Variants in KDELR2 observed in about 807,000 individuals in gnomAD.
KDELR2 encodes KDEL endoplasmic reticulum protein retention receptor 2.
KDELR2 carries 15 observed loss-of-function variants against 23.9 expected under a neutral mutation model. The ratio of observed to expected loss-of-function variants is 0.63; its 90% confidence interval spans 0.42 to 0.97. The LOEUF (loss-of-function observed/expected upper bound fraction) is 0.97. KDELR2 is among the 50% of genes least tolerant of loss of function. The pLI is 0.00. For synonymous variants in KDELR2, 119 were observed against 106.2 expected (o/e 1.12, Z -0.74); for missense variants, 272 against 254.6 (o/e 1.07, Z -0.46).
chr7:6,476,863 C>T (rs1260982033), intron 1 of KDELR2, among the ~76,000 whole-genome samples: 1 of 152,160 alleles, frequency 6.6e-6, no homozygotes, highest in African/African-American at 2.4e-5. Context: ...CCTCTCCTCT[C>T]CCCAAAAACC....
At chr7:6,483,080 A>G (rs1252799840) in intron 1 of KDELR2, among the ~76,000 whole-genome samples, 1 of 152,110 alleles carries the variant, frequency 6.6e-6, no homozygotes, top group Non-Finnish European at 1.5e-5. Context: ...GTCCAAAACT[A>G]TTATCTGGGA....
chr7:6,482,487 A>G (rs920986487), intron 1 of KDELR2: 1 of 440,490 alleles, frequency 2.3e-6, no homozygotes, highest in Admixed American at 2.7e-5. Flanking sequence ...AGTCAAACAC[A>G]CTGGCACATG....
Position 6,462,952 on chromosome 7 carries a change from T to A in KDELR2, c.*189A>T, listed in dbSNP as rs908225979. The A allele has an allele frequency of 1.9e-6, 3 of 1,595,788 alleles. No homozygotes were observed. The highest frequency in any genetic ancestry group is 2.7e-5 in the African/African-American group (2 of 73,866). ...CTTTGTACACAGTAATAAAAAAAGA[T>A]AAGGCAAGATGCATTAAACAGAAAC... On this transcript the variant is annotated 3_prime_UTR_variant, in exon 5 of 5. Coordinates refer to ENST00000258739, the MANE Select transcript of KDELR2 (RefSeq NM_006854.4).
chr7:6,470,736 G>GC (rs1785615263), intron 2 of KDELR2, among the ~76,000 whole-genome samples: 1 of 151,936 alleles, frequency 6.6e-6, no homozygotes, highest in Admixed American at 6.6e-5. Flanking sequence ...GATTTAATCC[G>GC]CCACCACTAT....
intron 1 of KDELR2, among the ~76,000 whole-genome samples, chr7:6,482,092 TC>T (rs747142919): frequency 6.6e-6 from 1 of 152,064 alleles, no homozygotes; most frequent in Non-Finnish European, 1.5e-5. Context: ...AATCTCCGCC[TC>T]CCAGGTTCAA....
At chr7:6,467,867 G>A (rs1562498946) in intron 3 of KDELR2, among the ~76,000 whole-genome samples, 1 of 152,312 alleles carries the variant, frequency 6.6e-6, no homozygotes, top group East Asian at 1.9e-4. Flanking sequence ...CTGTTCAGCA[G>A]GGAAAGAAGA....
At chr7:6,469,240 C>A (rs1004673270) in intron 3 of KDELR2, among the ~76,000 whole-genome samples, 1 of 152,114 alleles carries the variant, frequency 6.6e-6, no homozygotes, top group Non-Finnish European at 1.5e-5. Context: ...GCGTGAGCCA[C>A]TACGCCCAGC....
intron 1 of KDELR2, among the ~76,000 whole-genome samples, chr7:6,476,937 T>G (rs1785767082): frequency 1.3e-5 from 2 of 152,218 alleles, no homozygotes; most frequent in South Asian, 4.1e-4. Flanking sequence ...ATTCCCTGCA[T>G]GGGACACTGG....
At chr7:6,479,387 T>G (rs1057442444) in intron 1 of KDELR2, among the ~76,000 whole-genome samples, 1 of 152,146 alleles carries the variant, frequency 6.6e-6, no homozygotes, top group Non-Finnish European at 1.5e-5. Context: ...ACTCCTGTGC[T>G]CAAGTGATCC....
intron 2 of KDELR2, among the ~76,000 whole-genome samples, chr7:6,472,560 A>G (rs1415824939): frequency 6.6e-6 from 1 of 152,194 alleles, no homozygotes; most frequent in Non-Finnish European, 1.5e-5. Context: ...ACCATTTTTA[A>G]GTAAGCTCAT....
At position 6,479,107 on chromosome 7, in the gene KDELR2, T is replaced by C. The variant is rs1345737182; in HGVS notation, c.92-4823A>G. Among the ~76,000 whole-genome samples, 4 of 152,054 alleles carry C rather than the reference T, an allele frequency of 2.6e-5. No homozygotes were observed. In the East Asian group the frequency reaches 7.7e-4, roughly 29 times the overall value. ...CTCGGCCATCTTTTGTACATTTTCC[T>C]ATCATTTCAACTACATTGCAGCTTT... On this transcript the variant is annotated intron_variant, in intron 1 of 4. Coordinates refer to ENST00000258739, the MANE Select transcript of KDELR2 (RefSeq NM_006854.4).
intron 3 of KDELR2, among the ~76,000 whole-genome samples, chr7:6,468,082 G>A (rs1785539872): frequency 6.6e-6 from 1 of 152,170 alleles, no homozygotes; most frequent in African/African-American, 2.4e-5. Context: ...CTCTGTGTTT[G>A]GTACCACTGA....
chr7:6,483,318 G>C (rs996621331), intron 1 of KDELR2, among the ~76,000 whole-genome samples: 3 of 152,004 alleles, frequency 2.0e-5, no homozygotes, highest in Admixed American at 2.0e-4. Context: ...AATCACTGAC[G>C]ACCTCTCGGC....
At chr7:6,483,826 C>T (rs2115337701) in intron 1 of KDELR2, 141 bp downstream of exon 1, 1 of 541,254 alleles carries the variant, frequency 1.8e-6, no homozygotes, top group East Asian at 4.5e-5. Context: ...CCCCCCGGGT[C>T]CGGGCACCCG....
chr7:6,470,073 T>A (rs1785596382), intron 2 of KDELR2: 1 of 191,506 alleles, frequency 5.2e-6, no homozygotes, highest in African/African-American at 2.3e-5. Flanking sequence ...GTCCATAGTT[T>A]TGCCTTTTCT....
At chr7:6,483,833 C>A (rs1785968680) in intron 1 of KDELR2, 134 bp downstream of exon 1, 1 of 627,018 alleles carries the variant, frequency 1.6e-6, no homozygotes, top group Non-Finnish European at 2.2e-6. Context: ...GGTCCGGGCA[C>A]CCGTTAGGCC....
intron 1 of KDELR2, chr7:6,482,683 T>C (rs1785926825): frequency 2.8e-6 from 1 of 355,792 alleles, no homozygotes; most frequent in Non-Finnish European, 6.1e-6. Context: ...ACCCAGATAA[T>C]TCAGGATCAT....
At chr7:6,479,618 A>G (rs558522215) in intron 1 of KDELR2, among the ~76,000 whole-genome samples, 1 of 152,104 alleles carries the variant, frequency 6.6e-6, no homozygotes, top group African/African-American at 2.4e-5. Context: ...CTGGGACTAC[A>G]GCCGCCCGCC....
At chr7:6,472,926 A>G (rs1394411078) in intron 2 of KDELR2, among the ~76,000 whole-genome samples, 1 of 129,874 alleles carries the variant, frequency 7.7e-6, no homozygotes, top group African/African-American at 2.9e-5. Flanking sequence ...TTCAGACAGG[A>G]TCCTGCTCTG....
Sources: gnomAD v4.1 joint callset for allele counts (sites outside exome capture counted in the v4.1 genomes callset) on GRCh38, gnomAD v4.1.1 for gene constraint, MANE v1.5 for transcripts, NCBI Gene and HGNC (gene_info 2026-07-23, HGNC 2026-07-21) for gene names.